AGL: variants seen among roughly 807,000 people sequenced by gnomAD.
The protein encoded by AGL is amylo-alpha-1,6-glucosidase and 4-alpha-glucanotransferase.
Under a neutral mutation model 199.3 loss-of-function variants are expected in AGL, and 128 were observed. That is an observed-to-expected ratio of 0.64 (90% CI 0.56 to 0.74). The LOEUF (loss-of-function observed/expected upper bound fraction) is 0.74, where lower values mean the gene tolerates loss of function less well. Ranked by LOEUF, AGL falls within the 30% of genes least tolerant of loss-of-function variation. The pLI, the probability that AGL is intolerant of heterozygous loss-of-function variation, is 0.00. For missense variants in AGL, 1,809 were observed against 1,820.8 expected, an observed-to-expected ratio of 0.99 and a Z score of 0.12; for synonymous variants, 584 against 594.7, an observed-to-expected ratio of 0.98 and a Z score of 0.26.
intron 29 of AGL, 118 bp downstream of exon 29, chr1:99,912,635 A>C: frequency 1.3e-6 from 1 of 790,344 alleles, no homozygotes; most frequent in Non-Finnish European, 2.0e-6. Context: ...ATTAAGAAGA[A>C]AGAAAATTCA....
In AGL at chr1:99,902,680, C is replaced by T; in HGVS notation, c.3589-3C>T. The T allele has an allele frequency of 3.1e-6, 5 of 1,609,404 alleles. No homozygotes were observed. Among genetic ancestry groups the T allele is most frequent in the Non-Finnish European group, 4.3e-6 (5 of 1,176,012 alleles). Reference sequence around the variant, plus strand: ...GAGGTAACACCCATTATGTCTCAAACAGGATCAGCCATTGTTTGAAGTCAT... The same window carrying T: ...GAGGTAACACCCATTATGTCTCAAATAGGATCAGCCATTGTTTGAAGTCAT... On this transcript the variant is annotated splice_polypyrimidine_tract_variant and splice_region_variant and intron_variant, in intron 26 of 33. Coordinates refer to ENST00000361915, the MANE Select transcript of AGL (RefSeq NM_000642.3).
intron 2 of AGL, among the ~76,000 whole-genome samples, chr1:99,860,705 G>A (rs1242837570): frequency 6.6e-6 from 1 of 152,164 alleles, no homozygotes; most frequent in Non-Finnish European, 1.5e-5. Flanking sequence ...TGAAGCATAG[G>A]GATATAGGCA....
chr1:99,886,533 A>G (rs1386353077), intron 20 of AGL, among the ~76,000 whole-genome samples: 1 of 152,220 alleles, frequency 6.6e-6, no homozygotes, highest in Non-Finnish European at 1.5e-5. Context: ...ACATAATTAT[A>G]GCACCTTTCT....
intron 2 of AGL, among the ~76,000 whole-genome samples, chr1:99,858,113 G>A (rs1307460478): frequency 6.6e-6 from 1 of 151,958 alleles, no homozygotes; most frequent in Non-Finnish European, 1.5e-5. Flanking sequence ...GTAGCTTTAC[G>A]GGTTATATTA....
intron 5 of AGL, among the ~76,000 whole-genome samples, chr1:99,868,825 C>CTTTTT (rs374175804): frequency 7.4e-6 from 1 of 135,512 alleles, no homozygotes; most frequent in Non-Finnish European, 1.6e-5. Context: ...GGTATTTACT[C>CTTTTT]TTTTTTTTTT....
Position 99,884,244 on chromosome 1 carries a change from G to C in AGL, c.2433G>C (p.Gln811His). Reference sequence around the variant, plus strand: ...CAGTAGAAATTAGAGAACATATTCAGGTATTTGGGACTCTCATCTTACTAC... The same window carrying C: ...CAGTAGAAATTAGAGAACATATTCACGTATTTGGGACTCTCATCTTACTAC... ...DITVEIREHIQLNESKIVKQA... is the reference protein window; with the variant it reads ...DITVEIREHIHLNESKIVKQA... The change falls in exon 18 of 34, where the codon CAG (glutamine) becomes CAC (histidine). Residue 811 changes from glutamine to histidine, a missense_variant and splice_region_variant. Coordinates refer to ENST00000361915, the MANE Select transcript of AGL (RefSeq NM_000642.3). The C allele has an allele frequency of 6.2e-7, 1 of 1,613,076 alleles. No individual in the cohort carries two copies. The highest frequency in any genetic ancestry group is 8.5e-7 in the Non-Finnish European group (1 of 1,179,372).
rs1652883603 is a variant in AGL, at chr1:99,891,341, A to G, written c.2934A>G (p.Ser978=). 1 of 1,613,702 alleles carries G rather than the reference A, an allele frequency of 6.2e-7. No individual in the cohort carries two copies. Among genetic ancestry groups the G allele is most frequent in the Non-Finnish European group, 8.5e-7 (1 of 1,179,696 alleles). Residue 978 remains serine (S), a synonymous_variant, in exon 22 of 34, where the codon TCA becomes TCG. Transcript: ENST00000361915. ...TCAGTAACCGGCTTATTTCACGATC[A>G]GGAACTATTGCTGAAGTAAGTAGAG... is the stretch of plus-strand genomic sequence containing the variant. The part of the protein sequence containing the change: ...DYVSNRLISR[S]GTIAEVGKWL...
chr1:99,910,537 C>T (rs1053418806), intron 27 of AGL, among the ~76,000 whole-genome samples, 175 bp from the exon 28 acceptor site: 3 of 152,076 alleles, frequency 2.0e-5, no homozygotes, highest in Admixed American at 6.5e-5. Context: ...ATATACACAT[C>T]TCCAACTTTG....
intron 17 of AGL, among the ~76,000 whole-genome samples, chr1:99,882,753 A>T (rs1307463444): frequency 6.6e-6 from 1 of 152,174 alleles, no homozygotes; most frequent in Admixed American, 6.5e-5. Flanking sequence ...ACAGCATAGC[A>T]TGCTCCTGTT....
chr1:99,877,954 A>G (rs1413581241), intron 12 of AGL, 126 bp downstream of exon 12: 7 of 894,042 alleles, frequency 7.8e-6, no homozygotes, highest in Non-Finnish European at 1.3e-5. Context: ...ATTTGGTGGT[A>G]GTATTTATCA....
intron 25 of AGL, among the ~76,000 whole-genome samples, chr1:99,899,025 G>A (rs1653575746): frequency 6.6e-6 from 1 of 152,076 alleles, no homozygotes; most frequent in East Asian, 1.9e-4. Context: ...CGGGCAGATT[G>A]CTTGAGTCCA....
chr1:99,883,939 A>G (rs1017442811), intron 17 of AGL, among the ~76,000 whole-genome samples, 181 bp from the exon 18 acceptor site: 6 of 152,142 alleles, frequency 3.9e-5, no homozygotes, highest in Admixed American at 3.3e-4. Flanking sequence ...ACTAAGCTGT[A>G]ATTTTTTTTA....
intron 7 of AGL, among the ~76,000 whole-genome samples, chr1:99,873,033 T>C (rs1651156852): frequency 6.6e-6 from 1 of 151,972 alleles, no homozygotes; most frequent in Non-Finnish European, 1.5e-5. Context: ...TTGTTTATGG[T>C]GACATTTTTT....
chr1:99,891,369 A>G lies in AGL; in HGVS notation c.2949+13A>G, dbSNP rs1320669982. The stretch of plus-strand genomic sequence containing the variant: ...AACTATTGCTGAAGTAAGTAGAGCT[A>G]TATTATCGTCCCAAAAAATCAAGGA... On this transcript the variant is annotated intron_variant, in intron 22 of 33. Transcript: ENST00000361915. The G allele has an allele frequency of 1.9e-6, 3 of 1,613,306 alleles. No individual in the cohort carries two copies. The highest frequency in any genetic ancestry group is 2.2e-5 in the East Asian group (1 of 44,850).
chr1:99,860,756 A>G (rs1649964608), intron 2 of AGL, among the ~76,000 whole-genome samples: 1 of 152,180 alleles, frequency 6.6e-6, no homozygotes, highest in African/African-American at 2.4e-5. Context: ...ACAAGAGCTG[A>G]TTGTGCACAT....
rs1424358763 is a variant in AGL at position 99,916,688 on chromosome 1, T to C, written c.4438T>C (p.Leu1480=). The stretch of plus-strand genomic sequence containing the variant: ...GGAGACTACTGCAAAGACTATAGTT[T>C]TGGTTAAAAATGTTCTTTCCCGACA... ...GPETTAKTIV[L]VKNVLSRHYV... The change falls in exon 33 of 34, where the codon TTG becomes CTG. Residue 1480 remains leucine (L), a synonymous_variant. Transcript: ENST00000361915. The C allele has an allele frequency of 1.2e-6, 2 of 1,613,468 alleles. No individual in the cohort carries two copies. Among genetic ancestry groups the C allele is most frequent in the South Asian group, 2.2e-5 (2 of 91,068 alleles).
intron 2 of AGL, among the ~76,000 whole-genome samples, chr1:99,852,149 T>C (rs546467488): frequency 6.6e-6 from 1 of 152,262 alleles, no homozygotes; most frequent in Admixed American, 6.5e-5. Flanking sequence ...TCTGTTCTCC[T>C]TCAAAGAATT....
At chr1:99,855,077 T>G (rs1383046345) in intron 2 of AGL, among the ~76,000 whole-genome samples, 1 of 152,044 alleles carries the variant, frequency 6.6e-6, no homozygotes, top group African/African-American at 2.4e-5. Flanking sequence ...GGCGGGTGCC[T>G]GTAATCCCAG....
In AGL at chr1:99,891,324, C is replaced by T. The variant is rs370787356; in HGVS notation, c.2917C>T (p.Arg973Trp). 3.5e-5 allele frequency: 57 copies of T among 1,613,406 alleles called. No homozygotes were observed. The highest frequency in any genetic ancestry group is 4.2e-5 in the Non-Finnish European group (50 of 1,179,682). The change falls in exon 22 of 34, where the codon CGG becomes TGG. Residue 973 changes from arginine to tryptophan, a missense_variant. By Grantham distance (101) the Arg-to-Trp change is moderately radical. Transcript: ENST00000361915. Reference sequence around the variant, plus strand: ...TTGGATGATTGACTATGTCAGTAACCGGCTTATTTCACGATCAGGAACTAT... The same window carrying T: ...TTGGATGATTGACTATGTCAGTAACTGGCTTATTTCACGATCAGGAACTAT... ...GDWMIDYVSN[R>W]LISRSGTIAE...
Sources: allele counts gnomAD v4.1 joint callset (sites outside exome capture counted in the v4.1 genomes callset), GRCh38; gene constraint gnomAD v4.1.1; transcripts MANE v1.5; gene names NCBI Gene and HGNC (gene_info 2026-07-23, HGNC 2026-07-21).